The following PRKCA variants were observed in gnomAD, a reference collection of about 807,000 sequenced individuals.
PRKCA encodes protein kinase C alpha.
PRKCA carries 27 observed loss-of-function variants against 87.0 expected under a neutral mutation model. The observed-to-expected ratio is 0.31, with a 90% CI of 0.23 to 0.43. The LOEUF (loss-of-function observed/expected upper bound fraction) is 0.43, where lower values mean the gene tolerates loss of function less well. PRKCA is among the 20% of genes least tolerant of loss of function. The pLI, the probability that PRKCA is intolerant of heterozygous loss-of-function variation, is 1.00. For synonymous variants in PRKCA, 329 were observed against 311.1 expected (o/e 1.06, Z -0.61); for missense variants, 518 against 852.3 (o/e 0.61, Z 4.88).
At chr17:66,621,297 G>A (rs527496383) in intron 3 of PRKCA, among the ~76,000 whole-genome samples, 12 of 152,312 alleles carry the variant, frequency 7.9e-5, no homozygotes, top group African/African-American at 2.9e-4. Context: ...GAATTCAAGT[G>A]TGTCTTTAAA....
At chr17:66,408,319 CTG>C (rs1412809293) in intron 2 of PRKCA, among the ~76,000 whole-genome samples, 4 of 152,158 alleles carry the variant, frequency 2.6e-5, no homozygotes, top group African/African-American at 7.2e-5. Context: ...ATTTCATTGA[CTG>C]TTAATTAATT....
chr17:66,461,607 G>T (rs3859215), intron 2 of PRKCA, among the ~76,000 whole-genome samples: 2,103 of 152,220 alleles, frequency 0.014, 44 homozygotes, highest in African/African-American at 0.048. Context: ...GAGAGCTCGC[G>T]TGCTAGGTAG....
intron 3 of PRKCA, among the ~76,000 whole-genome samples, chr17:66,633,307 G>T (rs1490583349): frequency 6.6e-6 from 1 of 151,424 alleles, no homozygotes; most frequent in Non-Finnish European, 1.5e-5. Flanking sequence ...ATATCATAGG[G>T]TTAAAAAAAA....
chr17:66,473,122 T>G (rs374887158), intron 2 of PRKCA, among the ~76,000 whole-genome samples: 84 of 152,214 alleles, frequency 5.5e-4, no homozygotes, highest in Non-Finnish European at 1.1e-3. Context: ...CTTCTTCTCC[T>G]GCTCCAGTAT....
At chr17:66,676,133 T>TTA (rs1362343245) in intron 5 of PRKCA, among the ~76,000 whole-genome samples, 1 of 152,076 alleles carries the variant, frequency 6.6e-6, no homozygotes, top group Non-Finnish European at 1.5e-5. Context: ...GGCAGCTTCT[T>TTA]AGACCCAAGT....
At chr17:66,583,633 A>G (rs6504444) in intron 3 of PRKCA, among the ~76,000 whole-genome samples, 86,527 of 151,716 alleles carry the variant, frequency 0.57, 25,941 homozygotes, top group African/African-American at 0.75. Flanking sequence ...GTTAGAAGCA[A>G]AGGAAAATAT....
chr17:66,563,021 T>C (rs1026230567), intron 3 of PRKCA, among the ~76,000 whole-genome samples: 1 of 152,232 alleles, frequency 6.6e-6, no homozygotes, highest in African/African-American at 2.4e-5. Context: ...TGTTAGCTTT[T>C]TTTTTAAAAA....
In PRKCA at chr17:66,742,500, G is replaced by A. The variant is rs749682456; in HGVS notation, c.1386-122G>A. 2.8e-5 allele frequency: 29 copies of A among 1,025,134 alleles called. 1 individual carries two copies. The highest frequency in any genetic ancestry group is 4.3e-5 in the Non-Finnish European group (29 of 680,328). 63.5% of individuals were successfully genotyped at this position (1,025,134 alleles called of 1,614,324 possible). A position where few individuals can be genotyped will look rare whatever the true frequency, so the allele number is the denominator to read the frequency against. Reference sequence around the variant, plus strand: ...TTGACTTCTGATACTACAGTCCAGGGACTTATAGTTAATATTGCCATTGAG... The same window carrying A: ...TTGACTTCTGATACTACAGTCCAGGAACTTATAGTTAATATTGCCATTGAG... On this transcript the variant is annotated intron_variant, in intron 12 of 16. Coordinates refer to ENST00000413366, the MANE Select transcript of PRKCA (RefSeq NM_002737.3).
At chr17:66,392,978 G>A (rs1191067466) in intron 2 of PRKCA, among the ~76,000 whole-genome samples, 2 of 152,162 alleles carry the variant, frequency 1.3e-5, no homozygotes, top group African/African-American at 4.8e-5. Flanking sequence ...TGAGAGAAAG[G>A]CACTTGCAGG....
intron 14 of PRKCA, chr17:66,774,899 A>T: frequency 1.0e-6 from 1 of 985,390 alleles, no homozygotes; most frequent in Non-Finnish European, 1.2e-6. Flanking sequence ...AAGGAAGGTA[A>T]ATTAGCTTTC....
chr17:66,734,166 A>C (rs1973967647), intron 9 of PRKCA, among the ~76,000 whole-genome samples: 1 of 152,226 alleles, frequency 6.6e-6, no homozygotes, highest in African/African-American at 2.4e-5. Flanking sequence ...TCCAGACCCC[A>C]AGAGGAGGGT....
At position 66,754,231 on chromosome 17, in the gene PRKCA, T is replaced by G. The variant is rs72838612; in HGVS notation, c.1524+11471T>G. Among the ~76,000 whole-genome samples, 1,190 of 152,156 alleles carry G rather than the reference T, an allele frequency of 7.8e-3. 4 individuals are homozygous for G. The highest frequency in any genetic ancestry group is 0.018 in the South Asian group (87 of 4,804). On this transcript the variant is annotated intron_variant, in intron 13 of 16. Transcript: ENST00000413366. Reference sequence around the variant, plus strand: ...ATATATATGTTCATATATATATGTATGTGTATGTATTCATACAATCAACAT... The same window carrying G: ...ATATATATGTTCATATATATATGTAGGTGTATGTATTCATACAATCAACAT...
chr17:66,348,481 G>A (rs1333760702), intron 2 of PRKCA, among the ~76,000 whole-genome samples: 1 of 152,162 alleles, frequency 6.6e-6, no homozygotes, highest in Non-Finnish European at 1.5e-5. Context: ...TATCATTAAA[G>A]TGGTTTGATC....
chr17:66,438,216 A>G (rs1172365105), intron 2 of PRKCA, among the ~76,000 whole-genome samples: 1 of 151,878 alleles, frequency 6.6e-6, no homozygotes, highest in African/African-American at 2.4e-5. Context: ...TGACCTTGGG[A>G]CCCCGCACTT....
chr17:66,475,604 T>C (rs920408285), intron 2 of PRKCA, among the ~76,000 whole-genome samples: 1 of 152,178 alleles, frequency 6.6e-6, no homozygotes, highest in Non-Finnish European at 1.5e-5. Flanking sequence ...CATCGAGGTA[T>C]GGAAAATGAA....
chr17:66,785,407 G>A (rs565174508), intron 14 of PRKCA, among the ~76,000 whole-genome samples: 4 of 152,134 alleles, frequency 2.6e-5, no homozygotes, highest in Non-Finnish European at 5.9e-5. Flanking sequence ...TGACCTGCCC[G>A]TGTCAGCCAA....
intron 2 of PRKCA, among the ~76,000 whole-genome samples, chr17:66,409,033 C>CAAA (rs10661202): frequency 0.46 from 35,655 of 76,750 alleles, 8,392 homozygotes; most frequent in Non-Finnish European, 0.56. Flanking sequence ...TCCCCAGTCT[C>CAAA]AAAAAAAAAA....
At chr17:66,543,325 TCTC>T (rs1968048482) in intron 3 of PRKCA, among the ~76,000 whole-genome samples, 1 of 152,190 alleles carries the variant, frequency 6.6e-6, no homozygotes, top group African/African-American at 2.4e-5. Context: ...ATGTGGCTCT[TCTC>T]TCTTCCTTCT....
At chr17:66,372,818 A>C (rs1909194012) in intron 2 of PRKCA, among the ~76,000 whole-genome samples, 1 of 152,150 alleles carries the variant, frequency 6.6e-6, no homozygotes, top group South Asian at 2.1e-4. Flanking sequence ...GTACTTTGGG[A>C]AGCCGAGGCA....
Sources: gnomAD v4.1 joint callset for allele counts (sites outside exome capture counted in the v4.1 genomes callset) on GRCh38, gnomAD v4.1.1 for gene constraint, MANE v1.5 for transcripts, NCBI Gene and HGNC (gene_info 2026-07-23, HGNC 2026-07-21) for gene names.